Variants in SERINC2 observed in about 807,000 individuals in gnomAD.
SERINC2 encodes the protein tumor differentially expressed protein 2.
Under a neutral mutation model 54.2 loss-of-function variants are expected in SERINC2, and 56 were observed. The observed-to-expected ratio is 1.03, with a 90% CI of 0.83 to 1.29. SERINC2 has a LOEUF of 1.29. Ranked by LOEUF, SERINC2 falls within the 50% of genes most tolerant of loss-of-function variation. SERINC2 has a pLI of 0.00. For missense variants in SERINC2, 614 were observed against 607.4 expected (o/e 1.01, Z -0.12); for synonymous variants, 272 against 253.1 (o/e 1.07, Z -0.71).
chr1:31,425,472 G>A, intron 4 of SERINC2, 63 bp downstream of exon 4: 1 of 1,204,690 alleles, frequency 8.3e-7, no homozygotes, highest in Non-Finnish European at 1.2e-6. Flanking sequence ...GCAGGTTGGA[G>A]GAACGTGGTG....
chr1:31,413,453 G>A lies in SERINC2; in HGVS notation c.39+149G>A. 2.6e-6 allele frequency: 1 copy of A among 386,306 alleles called. No individual in the cohort carries two copies. Among genetic ancestry groups the A allele is most frequent in the Non-Finnish European group, 4.2e-6 (1 of 236,118 alleles). 23.9% of individuals were successfully genotyped at this position (386,306 alleles called of 1,614,324 possible). On this transcript the variant is annotated intron_variant, in intron 1 of 9. Coordinates refer to ENST00000373709, the MANE Select transcript of SERINC2 (RefSeq NM_178865.5). This position sits in a 1 kb window ranked among gnomAD's most constrained non-coding sequence, Gnocchi z 5.0. ...CGGTGCCCCGCCTGCTCGCCCTCCTGGACCTTCACTCGGCACCCGGATCCC... is the reference window on the plus strand; with the variant it reads ...CGGTGCCCCGCCTGCTCGCCCTCCTAGACCTTCACTCGGCACCCGGATCCC...
upstream of SERINC2, chr1:31,413,151 G>A: frequency 9.9e-7 from 1 of 1,006,158 alleles, no homozygotes; most frequent in Non-Finnish European, 1.2e-6. This position sits in a 1 kb window ranked among gnomAD's most constrained non-coding sequence, Gnocchi z 5.0. Flanking sequence ...GGCTTCGGTA[G>A]GTGGGGCGGG....
chr1:31,413,982 C>G lies in SERINC2; in HGVS notation c.39+678C>G. The G allele has an allele frequency of 1.3e-6, 2 of 1,529,506 alleles. No homozygotes were observed. The highest frequency in any genetic ancestry group is 8.7e-7 in the Non-Finnish European group (1 of 1,144,456). 94.7% of individuals were successfully genotyped at this position (1,529,506 alleles called of 1,614,324 possible). A position where few individuals can be genotyped will look rare whatever the true frequency, so the allele number is the denominator to read the frequency against. On this transcript the variant is annotated intron_variant, in intron 1 of 9. Coordinates refer to ENST00000373709, the MANE Select transcript of SERINC2 (RefSeq NM_178865.5). This position sits in a 1 kb window ranked among gnomAD's most constrained non-coding sequence, Gnocchi z 5.0. ...TCTCAGGCACTTCCCCAGCTCGCCC[C>G]GGATCATCTGGGCCCCAGCGCGGAG... is the stretch of plus-strand genomic sequence containing the variant.
At chr1:31,410,884 G>A (rs1640636576), upstream of SERINC2, among the ~76,000 whole-genome samples, 1 of 152,150 alleles carries the variant, frequency 6.6e-6, no homozygotes, top group African/African-American at 2.4e-5. Flanking sequence ...AGTGTCCAAG[G>A]GAGCTGACCC....
chr1:31,413,310 TC>T lies in SERINC2; in HGVS notation c.39+9del. The T allele has an allele frequency of 7.9e-7, 1 of 1,267,350 alleles. No individual in the cohort carries two copies. The highest frequency in any genetic ancestry group is 9.9e-7 in the Non-Finnish European group (1 of 1,007,990). The allele number at this position is 1,267,350 out of a possible 1,614,324, so 78.5% of individuals were successfully genotyped here. A position where few individuals can be genotyped will look rare whatever the true frequency, so the allele number is the denominator to read the frequency against. Reference sequence around the variant, plus strand: ...CCTGCTCCCTGCTCAGCTGCGTGAGTCCCGACCCCGGCGCCCGCCCGCGCGC... The same window carrying T: ...CCTGCTCCCTGCTCAGCTGCGTGAGTCCGACCCCGGCGCCCGCCCGCGCGC... On this transcript the variant is annotated splice_region_variant and intron_variant, in intron 1 of 9. Coordinates refer to ENST00000373709, the MANE Select transcript of SERINC2 (RefSeq NM_178865.5). The surrounding 1 kb of genome is among the most constrained non-coding windows in gnomAD (Gnocchi z 5.0).
Position 31,434,241 on chromosome 1 carries a change from G to A in SERINC2, c.*42G>A. ...GCCATCTGGTGCCTCCTGCCACCTGGTGCCTCTCGGCTCAGTGACAGCCAA... is the reference window on the plus strand; with the variant it reads ...GCCATCTGGTGCCTCCTGCCACCTGATGCCTCTCGGCTCAGTGACAGCCAA... On this transcript the variant is annotated 3_prime_UTR_variant, in exon 10 of 10. Coordinates refer to ENST00000373709, the MANE Select transcript of SERINC2 (RefSeq NM_178865.5). 1 of 1,596,508 alleles carries A rather than the reference G, an allele frequency of 6.3e-7. No individual in the cohort carries two copies.
chr1:31,432,866 T>C lies in SERINC2; in HGVS notation c.1014-101T>C, dbSNP rs868907507. 4.2e-5 allele frequency: 36 copies of C among 861,206 alleles called. 1 individual carries two copies. The highest frequency in any genetic ancestry group is 8.3e-5 in the African/African-American group (5 of 59,972). The allele number at this position is 861,206 out of a possible 1,614,324, so 53.3% of individuals were successfully genotyped here. On this transcript the variant is annotated intron_variant, in intron 8 of 9. Transcript: ENST00000373709. ...GCAGTTTGTTAACTCCCAGGCCCAG[T>C]AACCGGGTCGCTGGCCTCTGAGGCT...
intron 8 of SERINC2, among the ~76,000 whole-genome samples, chr1:31,431,305 T>A (rs1344485625): frequency 1.3e-5 from 2 of 151,082 alleles, no homozygotes; most frequent in Non-Finnish European, 3.0e-5. Flanking sequence ...AAAAAACATT[T>A]TTTTTTTTTT....
chr1:31,434,254 C>G lies in SERINC2; in HGVS notation c.*55C>G, dbSNP rs1255661803. ...TCCTGCCACCTGGTGCCTCTCGGCT[C>G]AGTGACAGCCAACCTGCCCCCTCCC... On this transcript the variant is annotated 3_prime_UTR_variant, in exon 10 of 10. Coordinates refer to ENST00000373709, the MANE Select transcript of SERINC2 (RefSeq NM_178865.5). 6.4e-7 allele frequency: 1 copy of G among 1,571,864 alleles called. No individual in the cohort carries two copies. The highest frequency in any genetic ancestry group is 1.7e-5 in the Admixed American group (1 of 58,914).
chr1:31,425,220 T>C (rs1172434916), intron 3 of SERINC2, 110 bp from the exon 4 acceptor site: 13 of 847,496 alleles, frequency 1.5e-5, no homozygotes, highest in Admixed American at 1.2e-4. Context: ...CCCTCACCCC[T>C]CTCAGCACCT....
chr1:31,425,655 C>G, intron 4 of SERINC2, 121 bp from the exon 5 acceptor site: 2 of 1,290,900 alleles, frequency 1.5e-6, no homozygotes. Context: ...TAGGGGCTCC[C>G]TGAGGGCAGG....
At chr1:31,409,843 CGGGAGGATGGTAAGAG>C (rs1557484431), upstream of SERINC2, 1 of 1,557,040 alleles carries the variant, frequency 6.4e-7, no homozygotes, top group African/African-American at 1.4e-5. Context: ...TCCTCATGGA[CGGGAGGATGGTAAGAG>C]GGGATGGGGA....
At chr1:31,423,072 G>T (rs1337001656) in intron 1 of SERINC2, among the ~76,000 whole-genome samples, 3 of 152,242 alleles carry the variant, frequency 2.0e-5, no homozygotes, top group Non-Finnish European at 4.4e-5. Context: ...GTAAGCTCCT[G>T]CTGTGTGACA....
upstream of SERINC2, chr1:31,410,469 G>A (rs1553131346): frequency 6.5e-7 from 1 of 1,549,002 alleles, no homozygotes; most frequent in African/African-American, 1.4e-5. Context: ...GCGTGTGAGA[G>A]CCCAGCCGGC....
chr1:31,433,120 C>G lies in SERINC2; in HGVS notation c.1167C>G (p.Ser389=). The G allele has an allele frequency of 1.9e-6, 3 of 1,613,648 alleles. No homozygotes were observed. Among genetic ancestry groups the G allele is most frequent in the Non-Finnish European group, 2.5e-6 (3 of 1,179,960 alleles). Residue 389 remains serine, a synonymous_variant, in exon 9 of 10, where the codon TCC becomes TCG. Transcript: ENST00000373709. ...NEQDGVTYSY[S]FFHFCLVLAS... ...AGGACGGCGTCACCTACAGCTACTC[C>G]TTCTTCCACTTCTGCCTGGTGCTGG...
intron 3 of SERINC2, 145 bp downstream of exon 3, chr1:31,425,018 C>T: frequency 2.9e-6 from 2 of 678,140 alleles, no homozygotes; most frequent in Non-Finnish European, 4.9e-6. Flanking sequence ...GAGTTATATC[C>T]ATTTCTCAGA....
Position 31,431,796 on chromosome 1 carries a change from T to TAGGATGGTTAGGGTGGACAGGGTGGAC in SERINC2, c.1014-1168_1014-1167insATGGTTAGGGTGGACAGGGTGGACAGG, listed in dbSNP as rs1641221400. Among the ~76,000 whole-genome samples the TAGGATGGTTAGGGTGGACAGGGTGGAC allele has an allele frequency of 1.4e-3, 15 of 10,944 alleles. 1 individual carries two copies. Among genetic ancestry groups the TAGGATGGTTAGGGTGGACAGGGTGGAC allele is most frequent in the African/African-American group, 3.3e-3 (15 of 4,562 alleles). The allele number at this position is 10,944 out of a possible 152,430, so 7.2% of individuals were successfully genotyped here. Reference sequence around the variant, plus strand: ...GGGTGAATAGGGTGGATAGGGTGGATAGGGTGGACAGGGTGGACAGGGTGG... The same window carrying TAGGATGGTTAGGGTGGACAGGGTGGAC: ...GGGTGAATAGGGTGGATAGGGTGGATAGGATGGTTAGGGTGGACAGGGTGGACAGGGTGGACAGGGTGGACAGGGTGG... On this transcript the variant is annotated intron_variant, in intron 8 of 9. Coordinates refer to ENST00000373709, the MANE Select transcript of SERINC2 (RefSeq NM_178865.5).
chr1:31,424,772 C>T lies in SERINC2; in HGVS notation c.291C>T (p.Val97=), dbSNP rs782785007. Residue 97 remains valine, a synonymous_variant, in exon 3 of 10, where the codon GTC becomes GTT. Coordinates refer to ENST00000373709, the MANE Select transcript of SERINC2 (RefSeq NM_178865.5). ...GCTCCCTGCTTGGCTACCGCGCTGT[C>T]TACCGCATGTGCTTCGCCACGGCGG... ...DCGSLLGYRA[V]YRMCFATAAF... is the part of the protein sequence containing the mutation. 4.3e-6 allele frequency: 7 copies of T among 1,612,398 alleles called. No homozygotes were observed. Among genetic ancestry groups the T allele is most frequent in the Admixed American group, 3.3e-5 (2 of 59,844 alleles).
Position 31,426,818 on chromosome 1 carries a change from G to A in SERINC2, c.775G>A (p.Val259Ile), listed in dbSNP as rs782536386. Residue 259 changes from valine to isoleucine, a missense_variant, in exon 6 of 10, where the codon GTC (valine) becomes ATC (isoleucine). Coordinates refer to ENST00000373709, the MANE Select transcript of SERINC2 (RefSeq NM_178865.5). ...GTCCATCGCTGCTGTCCTGCCCAAG[G>A]TCCAGGTGAGCCTGCCTGACCCCCC... The part of the protein sequence containing the change: ...CVSIAAVLPK[V>I]QDAQPNSGLL... 6.2e-7 allele frequency: 1 copy of A among 1,613,006 alleles called. No homozygotes were observed. Among genetic ancestry groups the A allele is most frequent in the Admixed American group, 1.7e-5 (1 of 59,976 alleles).
Sources: allele counts gnomAD v4.1 joint callset (sites outside exome capture counted in the v4.1 genomes callset), GRCh38; gene constraint gnomAD v4.1.1; non-coding constraint Gnocchi (gnomAD v3.1); transcripts MANE v1.5; gene names NCBI Gene and HGNC (gene_info 2026-07-23, HGNC 2026-07-21).